The following SLCO3A1 variants were observed in gnomAD, a reference collection of about 807,000 sequenced individuals.
SLCO3A1 encodes PGE1 transporter.
In SLCO3A1, 27 loss-of-function variants were observed where a neutral mutation model predicts 63.1. That is an observed-to-expected ratio of 0.43 (90% CI 0.32 to 0.59). The LOEUF (loss-of-function observed/expected upper bound fraction) is 0.59. SLCO3A1 is among the 20% of genes least tolerant of loss of function. The probability of loss-of-function intolerance (pLI) is 0.09; values close to 1 mark genes in which losing one functional copy is unlikely to be tolerated. For missense variants in SLCO3A1, 773 were observed against 945.8 expected, an observed-to-expected ratio of 0.82 and a Z score of 2.40; for synonymous variants, 473 against 409.9, an observed-to-expected ratio of 1.15 and a Z score of -1.86.
intron 4 of SLCO3A1, among the ~76,000 whole-genome samples, chr15:92,114,778 C>G (rs900817911): frequency 2.6e-5 from 4 of 152,122 alleles, no homozygotes; most frequent in African/African-American, 7.2e-5. Flanking sequence ...TTTATAGATT[C>G]AAGTCCCCAC....
intron 1 of SLCO3A1, among the ~76,000 whole-genome samples, chr15:91,895,130 T>C (rs1897971827): frequency 6.6e-6 from 1 of 152,214 alleles, no homozygotes; most frequent in African/African-American, 2.4e-5. Context: ...GGGATGTATT[T>C]TACATGAAAA....
intron 2 of SLCO3A1, among the ~76,000 whole-genome samples, chr15:92,077,633 G>A (rs1184057627): frequency 6.6e-6 from 1 of 152,134 alleles, no homozygotes; most frequent in African/African-American, 2.4e-5. Context: ...AAGGTCCAGA[G>A]ATCCCCCACA....
intron 2 of SLCO3A1, among the ~76,000 whole-genome samples, chr15:91,990,594 C>T (rs946641257): frequency 7.3e-5 from 11 of 151,676 alleles, no homozygotes; most frequent in Non-Finnish European, 1.3e-4. Flanking sequence ...AGTATATACT[C>T]AGTTGTGTAT....
Position 91,968,865 on chromosome 15 carries a change from A to G in SLCO3A1, c.646+52407A>G, listed in dbSNP as rs1900756143. The stretch of plus-strand genomic sequence containing the variant: ...GCTTGGCACATTCTGGTTCCTCTGC[A>G]TGGAGTCTCCTTTCTCTTTCCCCTA... On this transcript the variant is annotated intron_variant, in intron 2 of 9. Transcript: ENST00000318445. The surrounding 1 kb of genome is among the most constrained non-coding windows in gnomAD (Gnocchi z 4.2). Among the ~76,000 whole-genome samples, 1 of 152,064 alleles carries G rather than the reference A, an allele frequency of 6.6e-6. No homozygotes were observed. Among genetic ancestry groups the G allele is most frequent in the Non-Finnish European group, 1.5e-5 (1 of 68,006 alleles).
At chr15:92,065,891 GT>G (rs2047145387) in intron 2 of SLCO3A1, among the ~76,000 whole-genome samples, 1 of 152,196 alleles carries the variant, frequency 6.6e-6, no homozygotes, top group African/African-American at 2.4e-5. Context: ...TCACTGGGAA[GT>G]TTAAAAGAAA....
chr15:92,036,203 G>T (rs577519923), intron 2 of SLCO3A1, among the ~76,000 whole-genome samples: 2 of 152,252 alleles, frequency 1.3e-5, no homozygotes, highest in Non-Finnish European at 2.9e-5. Context: ...AGTGGATCTT[G>T]CCTGGAGCAC....
At chr15:91,910,478 A>G (rs1466334646) in intron 1 of SLCO3A1, among the ~76,000 whole-genome samples, 1 of 152,248 alleles carries the variant, frequency 6.6e-6, no homozygotes, top group Non-Finnish European at 1.5e-5. Flanking sequence ...AAGTGAAGTC[A>G]CAGAGCATGC....
At chr15:92,014,483 G>T (rs1447189963) in intron 2 of SLCO3A1, among the ~76,000 whole-genome samples, 1 of 152,026 alleles carries the variant, frequency 6.6e-6, no homozygotes, top group African/African-American at 2.4e-5. Flanking sequence ...AACTATACTT[G>T]CCATGGGCTT....
At chr15:91,896,653 C>T (rs982381345) in intron 1 of SLCO3A1, among the ~76,000 whole-genome samples, 4 of 152,220 alleles carry the variant, frequency 2.6e-5, no homozygotes, top group Non-Finnish European at 5.9e-5. Context: ...TTCTCTGCCA[C>T]CTTCCACCAT....
chr15:91,871,764 G>GGTTTTTTTTTTTTTTTTTTTTTT (rs1897285067), intron 1 of SLCO3A1, among the ~76,000 whole-genome samples: 1 of 35,330 alleles, frequency 2.8e-5, no homozygotes. Flanking sequence ...GTTTTTTTTT[G>GGTTTTTTTTTTTTTTTTTTTTTT]GTTTTTTTTT....
At position 92,023,852 on chromosome 15, in the gene SLCO3A1, G is replaced by A. The variant is rs181468502; in HGVS notation, c.647-71029G>A. The stretch of plus-strand genomic sequence containing the variant: ...TACAGAAACTCATTCTGAAGAGCTG[G>A]ATCCTTATCCCATTGATCCTTACCC... On this transcript the variant is annotated intron_variant, in intron 2 of 9. Transcript: ENST00000318445. 2.0e-4 allele frequency among the ~76,000 whole-genome samples: 31 copies of A among 152,310 alleles called. No individual in the cohort carries two copies. In the East Asian group the frequency reaches 2.9e-3, roughly 14 times the overall value.
At chr15:91,857,029 CGTGTGTGTGTGTGTGTGTGT>C (rs58042356) in intron 1 of SLCO3A1, among the ~76,000 whole-genome samples, 7 of 139,028 alleles carry the variant, frequency 5.0e-5, no homozygotes, top group Non-Finnish European at 7.9e-5. Flanking sequence ...AAGGAGGACT[CGTGTGTGTGTGTGTGTGTGT>C]GTGTGTGTGT....
intron 2 of SLCO3A1, among the ~76,000 whole-genome samples, chr15:92,007,829 C>G (rs898660476): frequency 2.6e-5 from 4 of 152,070 alleles, no homozygotes; most frequent in African/African-American, 9.7e-5. Flanking sequence ...GAGTATTTTA[C>G]CCAAGGAAGA....
intron 2 of SLCO3A1, among the ~76,000 whole-genome samples, chr15:92,078,054 G>A (rs1331833602): frequency 6.6e-6 from 1 of 152,174 alleles, no homozygotes; most frequent in African/African-American, 2.4e-5. Context: ...CCTAGCACAT[G>A]GCGGGTATTT....
At chr15:92,160,614 G>T (rs1348001522) in intron 9 of SLCO3A1, among the ~76,000 whole-genome samples, 1 of 152,144 alleles carries the variant, frequency 6.6e-6, no homozygotes, top group Non-Finnish European at 1.5e-5. Flanking sequence ...AGTTTAATGA[G>T]ATTTCAACCA....
intron 2 of SLCO3A1, among the ~76,000 whole-genome samples, chr15:92,051,303 C>A (rs55825799): frequency 0.04 from 6,087 of 152,050 alleles, 376 homozygotes; most frequent in African/African-American, 0.14. Context: ...GTGTGAGGGC[C>A]CAGAGGCTAG....
intron 2 of SLCO3A1, among the ~76,000 whole-genome samples, chr15:92,017,411 C>CTAG (rs1429966944): frequency 2.0e-5 from 3 of 152,068 alleles, no homozygotes; most frequent in Admixed American, 6.6e-5. Context: ...AGGGAAGGAC[C>CTAG]TAGTGTTGAA....
chr15:92,154,242 T>C lies in SLCO3A1; in HGVS notation c.1753+3228T>C, dbSNP rs1024631461. Among the ~76,000 whole-genome samples the C allele has an allele frequency of 2.2e-4, 34 of 152,152 alleles. 1 individual carries two copies. Among genetic ancestry groups the C allele is most frequent in the Admixed American group, 1.9e-3 (29 of 15,282 alleles). ...AGTGGAAGCATAAGAACTGGAGTCT[T>C]AGAAAGGGGCACCCACAGTGCCCAC... On this transcript the variant is annotated intron_variant, in intron 9 of 9. Transcript: ENST00000318445.
Position 91,979,761 on chromosome 15 carries a change from A to G in SLCO3A1, c.646+63303A>G, listed in dbSNP as rs183971501. Among the ~76,000 whole-genome samples the G allele has an allele frequency of 6.6e-5, 10 of 152,326 alleles. No homozygotes were observed. The East Asian group carries it at 7.7e-4, about 12-fold the overall frequency. On this transcript the variant is annotated intron_variant, in intron 2 of 9. Coordinates refer to ENST00000318445, the MANE Select transcript of SLCO3A1 (RefSeq NM_013272.4). ...TACAACTGTGACTCTTCGGTATACA[A>G]TGCATGTCAAGTGCTTAGCGTAATG...
Sources: allele counts gnomAD v4.1 joint callset (sites outside exome capture counted in the v4.1 genomes callset), GRCh38; gene constraint gnomAD v4.1.1; non-coding constraint Gnocchi (gnomAD v3.1); transcripts MANE v1.5; gene names NCBI Gene and HGNC (gene_info 2026-07-23, HGNC 2026-07-21).